USE1: variants seen among roughly 807,000 people sequenced by gnomAD.
The protein encoded by USE1 is vesicle transport protein USE1.
In USE1, 32 loss-of-function variants were observed where a neutral mutation model predicts 37.6. The observed-to-expected ratio is 0.85, with a 90% CI of 0.64 to 1.14. USE1 has a LOEUF of 1.14. USE1 is among the 50% of genes most tolerant of loss of function. The pLI, the probability that USE1 is intolerant of heterozygous loss-of-function variation, is 0.00. For synonymous variants in USE1, 149 were observed against 137.6 expected, an observed-to-expected ratio of 1.08 and a Z score of -0.58; for missense variants, 310 against 332.2, an observed-to-expected ratio of 0.93 and a Z score of 0.52.
rs748733005 is a variant in USE1, at chr19:17,217,456, T to C, written c.388T>C (p.Ser130Pro). The change falls in exon 5 of 8, where the codon TCT (serine) becomes CCT (proline). Residue 130 changes from serine to proline, a missense_variant. Coordinates refer to ENST00000263897, the MANE Select transcript of USE1 (RefSeq NM_018467.4). The stretch of plus-strand genomic sequence containing the variant: ...TGCCACTTACTTCTTTCCACAGGAC[T>C]CTGCAGGTGAGTCACCATGAACACA... ...EMRSELLGTD[S>P]AEPEMDVRKR... The C allele has an allele frequency of 1.3e-5, 21 of 1,611,306 alleles. No individual in the cohort carries two copies. In the South Asian group the frequency reaches 2.2e-4, roughly 17 times the overall value.
rs558540319 is a variant in USE1 at position 17,215,558 on chromosome 19, C to G, written c.102+51C>G. 60 of 1,540,586 alleles carry G rather than the reference C, an allele frequency of 3.9e-5. 1 individual carries two copies. In the South Asian group the frequency reaches 6.8e-4, roughly 18 times the overall value. ...AGAGCCCGACTCCCGGGGGGTGATTCCTAGGGTTGGAAGCCACCTGGCCCG... is the reference window on the plus strand; with the variant it reads ...AGAGCCCGACTCCCGGGGGGTGATTGCTAGGGTTGGAAGCCACCTGGCCCG... On this transcript the variant is annotated intron_variant, in intron 1 of 7. Transcript: ENST00000263897.
chr19:17,217,494 G>A (rs1294405164), intron 5 of USE1, 32 bp downstream of exon 5: 13 of 1,609,634 alleles, frequency 8.1e-6, no homozygotes, highest in Admixed American at 1.7e-5. Context: ...AGGACTTGAG[G>A]GCCAGCTGAC....
Position 17,219,824 on chromosome 19 carries a change from C to T in USE1, c.*11C>T. On this transcript the variant is annotated 3_prime_UTR_variant, in exon 8 of 8. Coordinates refer to ENST00000263897, the MANE Select transcript of USE1 (RefSeq NM_018467.4). The stretch of plus-strand genomic sequence containing the variant: ...CCTAAACTCAAATAAAGACCCCCGC[C>T]CACCTTGTCTGTCTTCCGTCTGTCC... 6.4e-7 allele frequency: 1 copy of T among 1,574,398 alleles called. No homozygotes were observed. The highest frequency in any genetic ancestry group is 1.3e-5 in the African/African-American group (1 of 74,556).
intron 4 of USE1, 134 bp from the exon 5 acceptor site, chr19:17,217,319 A>C: frequency 1.0e-6 from 1 of 971,328 alleles, no homozygotes; most frequent in Non-Finnish European, 1.5e-6. Flanking sequence ...TATTTTTAGT[A>C]GAGATGGAAT....
intron 4 of USE1, among the ~76,000 whole-genome samples, chr19:17,216,807 C>T (rs925325479): frequency 4.0e-5 from 6 of 151,890 alleles, no homozygotes; most frequent in Non-Finnish European, 5.9e-5. Flanking sequence ...GGAGAAACCC[C>T]GTCTTTAGTA....
chr19:17,216,070 G>C lies in USE1; in HGVS notation c.231G>C (p.Leu77=), dbSNP rs1387194862. 1 of 1,612,954 alleles carries C rather than the reference G, an allele frequency of 6.2e-7. No homozygotes were observed. The highest frequency in any genetic ancestry group is 1.7e-5 in the Admixed American group (1 of 59,820). The change falls in exon 3 of 8, where the codon CTG becomes CTC. Residue 77 remains leucine, a splice_region_variant and synonymous_variant. Transcript: ENST00000263897. ...FLKGMLQAEK[L]TSSSEKALAN... ...AGGGGATGCTGCAAGCCGAGAAGCT[G>C]GTGAGAAGGGGTGCCCCTGCCCCCT...
rs762735105 is a variant in USE1, at chr19:17,215,505, A to G, written c.100A>G (p.Lys34Glu). 19 of 1,557,490 alleles carry G rather than the reference A, an allele frequency of 1.2e-5. No homozygotes were observed. The highest frequency in any genetic ancestry group is 3.9e-5 in the Admixed American group (2 of 51,566). ...GGACCCGGACGAGTGGCGCCTGGAG[A>G]AGGTGAGGGGATCTCGCACTGCCGC... ...KRDPDEWRLE[K>E]YVGALEDMLQ... is the part of the protein sequence containing the mutation. The change falls in exon 1 of 8, where the codon AAG becomes GAG. Residue 34 changes from lysine to glutamate, a missense_variant and splice_region_variant. By Grantham distance (56) the Lys-to-Glu change is moderately conservative (BLOSUM62 1). Transcript: ENST00000263897.
At chr19:17,219,119 T>G in intron 6 of USE1, 94 bp from the exon 7 acceptor site, 1 of 1,450,548 alleles carries the variant, frequency 6.9e-7, no homozygotes, top group South Asian at 1.5e-5. Flanking sequence ...AGAACGAGAC[T>G]CTGTATCAAA....
In USE1 at chr19:17,215,453, C is replaced by T; in HGVS notation, c.48C>T (p.Arg16=). The T allele has an allele frequency of 6.4e-7, 1 of 1,563,700 alleles. No homozygotes were observed. The highest frequency in any genetic ancestry group is 2.4e-5 in the East Asian group (1 of 41,664). The stretch of plus-strand genomic sequence containing the variant: ...TAAACCTGGTGCGGCTGCTATCCCG[C>T]TGCGAGGCGATGGCAGCGGAGAAAC... ...LELNLVRLLS[R]CEAMAAEKRD... is the part of the protein sequence containing the mutation. The change falls in exon 1 of 8, where the codon CGC becomes CGT. Residue 16 remains arginine (R), a synonymous_variant. Transcript: ENST00000263897.
In USE1 at chr19:17,216,229, A is replaced by G; in HGVS notation, c.292A>G (p.Thr98Ala). 2 of 1,612,850 alleles carry G rather than the reference A, an allele frequency of 1.2e-6. No individual in the cohort carries two copies. The highest frequency in any genetic ancestry group is 1.7e-6 in the Non-Finnish European group (2 of 1,179,828). ...CCTGGCCCCTGGCCGTGTGCCAACC[A>G]CAGCCAGAGAGCGAGTGCCCGCCAC... ...QFLAPGRVPTTARERVPATKT... is the reference protein window; with the variant it reads ...QFLAPGRVPTAARERVPATKT... Residue 98 changes from threonine to alanine, a missense_variant, in exon 4 of 8, where the codon ACA (threonine) becomes GCA (alanine). Physicochemically the swap from Thr to Ala is moderately conservative, Grantham distance 58. Transcript: ENST00000263897.
In USE1 at chr19:17,216,310, C is replaced by G. The variant is rs2073290564; in HGVS notation, c.373C>G (p.Leu125Val). 6.2e-7 allele frequency: 1 copy of G among 1,611,616 alleles called. No individual in the cohort carries two copies. The highest frequency in any genetic ancestry group is 1.1e-5 in the South Asian group (1 of 91,062). The change falls in exon 4 of 8, where the codon CTA becomes GTA. Residue 125 changes from leucine to valine, a missense_variant. Leu to Val is a conservative substitution (Grantham distance 32, BLOSUM62 1). Transcript: ENST00000263897. ...GTACACCAGCGAGATGCGGAGTGAG[C>G]TACTAGGCACGGTAGGGCTCCTTCC... ...ARYTSEMRSE[L>V]LGTDSAEPEM...
rs556836963 is a variant in USE1 at position 17,215,908 on chromosome 19, TC to T, written c.152+60del. ...CAGCACGTGGCTGTGCTACTGGACA[TC>T]CCAGTACCGCTATCCCAGCTGGGAC... On this transcript the variant is annotated intron_variant, in intron 2 of 7. Transcript: ENST00000263897. The T allele has an allele frequency of 9.3e-5, 148 of 1,587,242 alleles. No homozygotes were observed. In the African/African-American group the frequency reaches 1.6e-3, roughly 17 times the overall value.
At chr19:17,219,429 A>G (rs1480509568) in intron 7 of USE1, 42 bp downstream of exon 7, 6 of 1,522,694 alleles carry the variant, frequency 3.9e-6, no homozygotes, top group Non-Finnish European at 5.3e-6. Context: ...GCCCTGGGGC[A>G]TCAGAGAAGG....
chr19:17,219,515 C>T, intron 7 of USE1, 116 bp from the exon 8 acceptor site: 2 of 1,441,128 alleles, frequency 1.4e-6, no homozygotes, highest in South Asian at 1.4e-5. Flanking sequence ...AAATGGCATT[C>T]CCAGCAGAGG....
intron 2 of USE1, 46 bp downstream of exon 2, chr19:17,215,897 G>T (rs776910057): frequency 3.1e-6 from 5 of 1,592,364 alleles, no homozygotes; most frequent in Non-Finnish European, 4.3e-6. Flanking sequence ...ACGTGGCTGT[G>T]CTACTGGACA....
At chr19:17,218,074 ACT>A (rs2073301503) in intron 5 of USE1, 2 of 387,158 alleles carry the variant, frequency 5.2e-6, no homozygotes, top group Non-Finnish European at 9.6e-6. Context: ...ACAGAGAGAG[ACT>A]CTGTCTCAAA....
In USE1 at chr19:17,215,417, G is replaced by C; in HGVS notation, c.12G>C (p.Ser4=). 1 of 1,558,796 alleles carries C rather than the reference G, an allele frequency of 6.4e-7. No homozygotes were observed. The highest frequency in any genetic ancestry group is 8.7e-7 in the Non-Finnish European group (1 of 1,152,818). The change falls in exon 1 of 8, where the codon TCG becomes TCC. Residue 4 remains serine (S), a synonymous_variant. Coordinates refer to ENST00000263897, the MANE Select transcript of USE1 (RefSeq NM_018467.4). The stretch of plus-strand genomic sequence containing the variant: ...AGGGCCGGGCGATAATGGCGGCGTC[G>C]AGGCTGGAGCTAAACCTGGTGCGGC... The part of the protein sequence containing the change: MAA[S]RLELNLVRLL...
intron 6 of USE1, 51 bp from the exon 7 acceptor site, chr19:17,219,162 C>G: frequency 6.4e-7 from 1 of 1,561,000 alleles, no homozygotes. Flanking sequence ...TGGTCTTCTC[C>G]CCTTTCCCAC....
intron 5 of USE1, 161 bp from the exon 6 acceptor site, chr19:17,218,203 C>T: frequency 3.3e-6 from 3 of 921,372 alleles, no homozygotes; most frequent in Non-Finnish European, 5.0e-6. Flanking sequence ...AGGAGACCCT[C>T]CTAGAAGAGG....
Sources: gnomAD v4.1 joint callset for allele counts (sites outside exome capture counted in the v4.1 genomes callset) on GRCh38, gnomAD v4.1.1 for gene constraint, MANE v1.5 for transcripts, NCBI Gene and HGNC (gene_info 2026-07-23, HGNC 2026-07-21) for gene names.